BRAF: variants seen among roughly 807,000 people sequenced by gnomAD.
BRAF encodes B-Raf proto-oncogene, serine/threonine kinase.
Under a neutral mutation model 104.6 loss-of-function variants are expected in BRAF, and 16 were observed. The observed-to-expected ratio is 0.15, with a 90% CI of 0.10 to 0.23. BRAF has a LOEUF of 0.23. Ranked by LOEUF, BRAF falls within the 10% of genes least tolerant of loss-of-function variation. The pLI is 1.00. For synonymous variants in BRAF, 310 were observed against 341.6 expected (o/e 0.91, Z 1.02); for missense variants, 541 against 937.3 (o/e 0.58, Z 5.52).
At chr7:140,747,397 G>A in intron 17 of BRAF, 3 of 1,286,520 alleles carry the variant, frequency 2.3e-6, no homozygotes, top group Non-Finnish European at 3.0e-6. Flanking sequence ...CTCTCATGGA[G>A]AGTAAGCCCT....
At chr7:140,915,182 G>T (rs954523138) in intron 1 of BRAF, among the ~76,000 whole-genome samples, 3 of 151,484 alleles carry the variant, frequency 2.0e-5, no homozygotes. Context: ...AAAATAAATG[G>T]TACAAGGTAA....
At chr7:140,875,696 C>CA (rs1308758204) in intron 1 of BRAF, among the ~76,000 whole-genome samples, 7 of 152,066 alleles carry the variant, frequency 4.6e-5, no homozygotes, top group Non-Finnish European at 1.0e-4. Context: ...ATCTTGAAAA[C>CA]AGAGAAAAAC....
intron 14 of BRAF, among the ~76,000 whole-genome samples, chr7:140,762,851 C>T (rs556150010): frequency 6.6e-6 from 1 of 152,198 alleles, no homozygotes; most frequent in East Asian, 1.9e-4. Flanking sequence ...TAACAAAGCA[C>T]ATCTTGCACC....
chr7:140,726,173 G>A lies in BRAF; in HGVS notation c.*321C>T. 1.7e-6 allele frequency: 2 copies of A among 1,165,066 alleles called. No individual in the cohort carries two copies. Among genetic ancestry groups the A allele is most frequent in the Non-Finnish European group, 2.1e-6 (2 of 944,166 alleles). The allele number at this position is 1,165,066 out of a possible 1,614,324, so 72.2% of individuals were successfully genotyped here. ...CTTTCCATAGCAAATCTCCCAAGCT[G>A]TAGCAGCAGTTTCTTTCCATCATGC... is the stretch of plus-strand genomic sequence containing the variant. On this transcript the variant is annotated 3_prime_UTR_variant, in exon 20 of 20. Transcript: ENST00000644969.
intron 5 of BRAF, among the ~76,000 whole-genome samples, chr7:140,806,460 G>A (rs1446756437): frequency 6.6e-6 from 1 of 152,160 alleles, no homozygotes; most frequent in Admixed American, 6.5e-5. Flanking sequence ...ATCCAACTGA[G>A]TGGTGACAAT....
chr7:140,896,768 AGAG>A (rs1814956776), intron 1 of BRAF, among the ~76,000 whole-genome samples: 2 of 149,074 alleles, frequency 1.3e-5, no homozygotes, highest in South Asian at 4.3e-4. Context: ...CGGAAGGCTG[AGAG>A]GAGAACTGCT....
chr7:140,916,136 T>G (rs1465265596), intron 1 of BRAF, among the ~76,000 whole-genome samples: 1 of 152,252 alleles, frequency 6.6e-6, no homozygotes, highest in African/African-American at 2.4e-5. Context: ...AGTCAGGTAT[T>G]CCACACTTCC....
At chr7:140,754,858 T>C (rs1057301394) in intron 14 of BRAF, among the ~76,000 whole-genome samples, 2 of 152,240 alleles carry the variant, frequency 1.3e-5, no homozygotes, top group African/African-American at 2.4e-5. Flanking sequence ...GTAGTTGTCA[T>C]ATATTCTTAA....
chr7:140,819,988 C>A (rs946679854), intron 3 of BRAF, among the ~76,000 whole-genome samples: 1 of 151,958 alleles, frequency 6.6e-6, no homozygotes, highest in Non-Finnish European at 1.5e-5. Flanking sequence ...CTCAATAAAC[C>A]ATCAAATAAA....
chr7:140,855,952 AG>A (rs1809731852), intron 1 of BRAF, among the ~76,000 whole-genome samples: 1 of 151,926 alleles, frequency 6.6e-6, no homozygotes, highest in South Asian at 2.1e-4. Context: ...TGGGAGATGG[AG>A]GGTGCAGTGA....
intron 14 of BRAF, among the ~76,000 whole-genome samples, chr7:140,760,688 G>C (rs1798625597): frequency 6.6e-6 from 1 of 152,048 alleles, no homozygotes; most frequent in South Asian, 2.1e-4. Context: ...GTAGAGAAGT[G>C]CTTAAAGGAG....
chr7:140,851,591 T>C (rs1256580124), intron 1 of BRAF, among the ~76,000 whole-genome samples: 3 of 152,212 alleles, frequency 2.0e-5, no homozygotes, highest in African/African-American at 7.2e-5. Flanking sequence ...TTTTTTGGTA[T>C]CTAGGTATAG....
At chr7:140,811,966 C>T (rs1216577096) in intron 3 of BRAF, among the ~76,000 whole-genome samples, 5 of 152,124 alleles carry the variant, frequency 3.3e-5, no homozygotes, top group Admixed American at 6.5e-5. Flanking sequence ...ATTCGTCTTC[C>T]GCCTATACTA....
intron 19 of BRAF, among the ~76,000 whole-genome samples, chr7:140,728,415 T>C (rs969879148): frequency 1.3e-5 from 2 of 152,204 alleles, no homozygotes; most frequent in Admixed American, 1.3e-4. Context: ...AGATAGTCTA[T>C]TATCTCTTTC....
chr7:140,897,493 C>CTTTTTTTT (rs1177553423), intron 1 of BRAF, among the ~76,000 whole-genome samples: 151 of 105,688 alleles, frequency 1.4e-3, no homozygotes, highest in Non-Finnish European at 2.0e-3. Flanking sequence ...TTTCTTTTTT[C>CTTTTTTTT]TTTTTTTTTT....
intron 7 of BRAF, among the ~76,000 whole-genome samples, chr7:140,796,715 T>C (rs1366495643): frequency 6.6e-6 from 1 of 152,180 alleles, no homozygotes; most frequent in African/African-American, 2.4e-5. Context: ...TCTCTAGCTT[T>C]CAGGGCAAGT....
chr7:140,795,223 C>T (rs1430935629), intron 7 of BRAF, among the ~76,000 whole-genome samples: 1 of 152,158 alleles, frequency 6.6e-6, no homozygotes, highest in Non-Finnish European at 1.5e-5. Context: ...ATAACATAGT[C>T]TATGATATCT....
chr7:140,877,298 G>A (rs933998805), intron 1 of BRAF, among the ~76,000 whole-genome samples: 4 of 112,062 alleles, frequency 3.6e-5, no homozygotes, highest in African/African-American at 6.5e-5. Context: ...AGAGATGGGG[G>A]GGGGGGTGGG....
chr7:140,737,207 T>C (rs1039082547), intron 18 of BRAF, among the ~76,000 whole-genome samples: 2 of 152,222 alleles, frequency 1.3e-5, no homozygotes, highest in African/African-American at 4.8e-5. Context: ...ACTTATGAAA[T>C]AGGTTACATA....
Sources: gnomAD v4.1 joint callset for allele counts (sites outside exome capture counted in the v4.1 genomes callset) on GRCh38, gnomAD v4.1.1 for gene constraint, MANE v1.5 for transcripts, NCBI Gene and HGNC (gene_info 2026-07-23, HGNC 2026-07-21) for gene names.